Variants in CCSER1 observed in about 807,000 individuals in gnomAD.
The protein encoded by CCSER1 is coiled-coil serine rich protein 1, also known as serine-rich coiled-coil domain-containing protein 1.
Under a neutral mutation model 82.0 loss-of-function variants are expected in CCSER1, and 41 were observed. The ratio of observed to expected loss-of-function variants is 0.50; its 90% CI spans 0.39 to 0.65. The LOEUF is 0.65. CCSER1 is among the 30% of genes least tolerant of loss of function. The pLI, the probability that CCSER1 is intolerant of heterozygous loss-of-function variation, is 0.00. For synonymous variants in CCSER1, 414 were observed against 383.9 expected (o/e 1.08, Z -0.92); for missense variants, 1,119 against 1,064.2 (o/e 1.05, Z -0.72).
At chr4:90,911,639 AG>A (rs1726377959) in intron 8 of CCSER1, among the ~76,000 whole-genome samples, 1 of 152,154 alleles carries the variant, frequency 6.6e-6, no homozygotes, top group Non-Finnish European at 1.5e-5. Context: ...GGTGCAGGAC[AG>A]TGGGTGTAGC....
At chr4:90,856,862 C>T (rs1011203218) in intron 8 of CCSER1, among the ~76,000 whole-genome samples, 1 of 151,318 alleles carries the variant, frequency 6.6e-6, no homozygotes, top group African/African-American at 2.4e-5. Flanking sequence ...TTCCAAATCT[C>T]TATGTAGGGG....
At chr4:90,559,482 A>T (rs1384779283) in intron 5 of CCSER1, among the ~76,000 whole-genome samples, 1 of 151,972 alleles carries the variant, frequency 6.6e-6, no homozygotes, top group African/African-American at 2.4e-5. Flanking sequence ...GATTTGATGA[A>T]ATCTGGCTGC....
intron 8 of CCSER1, among the ~76,000 whole-genome samples, chr4:90,830,531 A>G (rs925542954): frequency 6.6e-6 from 1 of 152,176 alleles, no homozygotes; most frequent in Non-Finnish European, 1.5e-5. Flanking sequence ...TTTGATGGTT[A>G]TGGGGATTTC....
chr4:90,177,348 A>G (rs1412840233), intron 1 of CCSER1, among the ~76,000 whole-genome samples: 1 of 152,026 alleles, frequency 6.6e-6, no homozygotes, highest in Non-Finnish European at 1.5e-5. Context: ...AAAACTACTG[A>G]TTTCTCTTTT....
chr4:90,886,122 C>A (rs1057319395), intron 8 of CCSER1, among the ~76,000 whole-genome samples: 1 of 152,142 alleles, frequency 6.6e-6, no homozygotes, highest in Non-Finnish European at 1.5e-5. Context: ...GCTGCTGGTA[C>A]AACAGGATTG....
rs183956659 is a variant in CCSER1, at chr4:91,445,940, A to C, written c.2218-152632A>C. On this transcript the variant is annotated intron_variant, in intron 10 of 10. Transcript: ENST00000509176. ...ATTTCCATAAAAGATTTAGAATAGA[A>C]TTGATTCTTAATACTGATAATTACA... is the stretch of plus-strand genomic sequence containing the variant. 2.7e-4 allele frequency among the ~76,000 whole-genome samples: 41 copies of C among 152,260 alleles called. 1 individual carries two copies. Among genetic ancestry groups the C allele is most frequent in the Admixed American group, 8.5e-4 (13 of 15,282 alleles).
intron 10 of CCSER1, among the ~76,000 whole-genome samples, chr4:91,108,376 T>C (rs984126553): frequency 1.3e-5 from 2 of 152,196 alleles, no homozygotes; most frequent in Admixed American, 6.5e-5. Context: ...TCCTCTAAAA[T>C]GGTTGAGAGA....
chr4:91,558,645 G>C (rs771508312), intron 10 of CCSER1, among the ~76,000 whole-genome samples: 13 of 151,576 alleles, frequency 8.6e-5, no homozygotes, highest in Non-Finnish European at 1.5e-4. Flanking sequence ...GGCAGGAAGT[G>C]AAAGACATTT....
intron 1 of CCSER1, among the ~76,000 whole-genome samples, chr4:90,275,459 TA>T (rs945418089): frequency 4.0e-4 from 61 of 152,258 alleles, no homozygotes; most frequent in Non-Finnish European, 5.7e-4. Flanking sequence ...GCCTAATTTA[TA>T]AAAAAATGTT....
intron 10 of CCSER1, among the ~76,000 whole-genome samples, chr4:91,343,301 C>A (rs1300518308): frequency 6.6e-6 from 1 of 151,964 alleles, no homozygotes; most frequent in Non-Finnish European, 1.5e-5. Flanking sequence ...AAAAATCTTT[C>A]CTCATTAACC....
chr4:90,826,730 A>C (rs1156788139), intron 8 of CCSER1, among the ~76,000 whole-genome samples: 1 of 152,222 alleles, frequency 6.6e-6, no homozygotes, highest in African/African-American at 2.4e-5. Flanking sequence ...CTGTTACATC[A>C]AACAGATTTA....
intron 1 of CCSER1, among the ~76,000 whole-genome samples, chr4:90,286,014 A>G (rs938319545): frequency 6.6e-6 from 1 of 151,926 alleles, no homozygotes; most frequent in Admixed American, 6.6e-5. Flanking sequence ...GATCTATTTA[A>G]TGTGTTCTGA....
chr4:90,273,177 G>A (rs1277448596), intron 1 of CCSER1, among the ~76,000 whole-genome samples: 2 of 152,066 alleles, frequency 1.3e-5, no homozygotes, highest in East Asian at 3.9e-4. Context: ...TTGTACTCAT[G>A]GAGATACAGA....
intron 5 of CCSER1, among the ~76,000 whole-genome samples, chr4:90,575,051 G>C (rs1421780156): frequency 6.6e-6 from 1 of 151,936 alleles, no homozygotes; most frequent in Non-Finnish European, 1.5e-5. Flanking sequence ...ACCACTCCCT[G>C]GTTCATCACT....
intron 8 of CCSER1, among the ~76,000 whole-genome samples, chr4:90,855,009 G>A (rs1367277507): frequency 6.6e-6 from 1 of 151,948 alleles, no homozygotes; most frequent in Non-Finnish European, 1.5e-5. Context: ...GTGTGCGAGA[G>A]AGCAAAGGGG....
intron 10 of CCSER1, among the ~76,000 whole-genome samples, chr4:91,381,547 G>T (rs890557951): frequency 6.6e-6 from 1 of 152,106 alleles, no homozygotes; most frequent in Non-Finnish European, 1.5e-5. Context: ...GGCTACTAAA[G>T]CTTGTGCATT....
At chr4:91,092,438 G>A (rs1398604423) in intron 10 of CCSER1, among the ~76,000 whole-genome samples, 1 of 152,200 alleles carries the variant, frequency 6.6e-6, no homozygotes, top group Non-Finnish European at 1.5e-5. Context: ...GCATCTCTGT[G>A]AAGTCCATTT....
chr4:90,916,854 G>T (rs1478900396), intron 8 of CCSER1, among the ~76,000 whole-genome samples: 1 of 151,998 alleles, frequency 6.6e-6, no homozygotes, highest in Non-Finnish European at 1.5e-5. Context: ...GTGGGCAAAG[G>T]ATATGAACAG....
chr4:91,564,781 G>T (rs958077270), intron 10 of CCSER1, among the ~76,000 whole-genome samples: 1 of 151,782 alleles, frequency 6.6e-6, no homozygotes, highest in Non-Finnish European at 1.5e-5. Context: ...CTGGATATTA[G>T]ACCTTCTTCA....
Sources: gnomAD v4.1 joint callset for allele counts (sites outside exome capture counted in the v4.1 genomes callset) on GRCh38, gnomAD v4.1.1 for gene constraint, MANE v1.5 for transcripts, NCBI Gene and HGNC (gene_info 2026-07-23, HGNC 2026-07-21) for gene names.